PPARGC1B: variants seen among roughly 807,000 people sequenced by gnomAD.
PPARGC1B encodes PPARG coactivator 1 beta.
Under a neutral mutation model 101.6 loss-of-function variants are expected in PPARGC1B, and 34 were observed. That is an observed-to-expected ratio of 0.33 (90% CI 0.25 to 0.45). The LOEUF is 0.45. PPARGC1B is among the 20% of genes least tolerant of loss of function. PPARGC1B has a pLI of 1.00. For missense variants in PPARGC1B, 1,234 were observed against 1,317.6 expected (o/e 0.94, Z 0.98); for synonymous variants, 548 against 539.3 (o/e 1.02, Z -0.22).
chr5:149,765,241 G>A (rs1270302964), intron 1 of PPARGC1B, among the ~76,000 whole-genome samples: 3 of 152,222 alleles, frequency 2.0e-5, no homozygotes, highest in Non-Finnish European at 4.4e-5. Context: ...GGCTCATCGG[G>A]ACCTCGGTTA....
intron 9 of PPARGC1B, 151 bp from the exon 10 acceptor site, chr5:149,842,105 T>C (rs958406636): frequency 6.1e-6 from 6 of 981,608 alleles, no homozygotes; most frequent in Non-Finnish European, 7.3e-6. Context: ...GGGGTAGAGA[T>C]TGGCATTGTC....
intron 1 of PPARGC1B, among the ~76,000 whole-genome samples, chr5:149,735,420 G>C (rs534045518): frequency 6.6e-6 from 1 of 152,194 alleles, no homozygotes; most frequent in Non-Finnish European, 1.5e-5. Flanking sequence ...AGACTGGCTC[G>C]AGTGAGAAGC....
At position 149,730,548 on chromosome 5, in the gene PPARGC1B, C is replaced by T. The variant is rs902793578; in HGVS notation, c.78+128C>T. The T allele has an allele frequency of 4.5e-6, 3 of 672,322 alleles. No individual in the cohort carries two copies. The highest frequency in any genetic ancestry group is 2.5e-5 in the South Asian group (1 of 40,090). The allele number at this position is 672,322 out of a possible 1,614,324, so 41.6% of individuals were successfully genotyped here. A position where few individuals can be genotyped will look rare whatever the true frequency, so the allele number is the denominator to read the frequency against. On this transcript the variant is annotated intron_variant, in intron 1 of 11. Coordinates refer to ENST00000309241, the MANE Select transcript of PPARGC1B (RefSeq NM_133263.4). This position sits in a 1 kb window ranked among gnomAD's most constrained non-coding sequence, Gnocchi z 4.0. ...TAACTGGGGGTTCCAGGCTGCAGAG[C>T]CCCCCTTCCAGGCGCCCTGCGATGC... is the stretch of plus-strand genomic sequence containing the variant.
chr5:149,835,172 AG>A, intron 6 of PPARGC1B, 128 bp from the exon 7 acceptor site: 1 of 820,446 alleles, frequency 1.2e-6, no homozygotes, highest in Non-Finnish European at 2.1e-6. Flanking sequence ...AATGCATCTC[AG>A]GCTCCATTTC....
At chr5:149,823,609 A>G (rs1232701780) in intron 2 of PPARGC1B, among the ~76,000 whole-genome samples, 1 of 152,094 alleles carries the variant, frequency 6.6e-6, no homozygotes, top group African/African-American at 2.4e-5. Context: ...TTCTGTGCTG[A>G]GCAGGGAGAG....
chr5:149,760,627 T>C (rs1033517456), intron 1 of PPARGC1B, among the ~76,000 whole-genome samples: 76 of 152,216 alleles, frequency 5.0e-4, no homozygotes, highest in African/African-American at 1.8e-3. Context: ...TTGCACATTA[T>C]AGAGTGAAAC....
At chr5:149,772,120 G>T in intron 1 of PPARGC1B, 1 of 1,596,366 alleles carries the variant, frequency 6.3e-7, no homozygotes, top group South Asian at 1.1e-5. Context: ...ACCCTTGGAG[G>T]AGCCGCCACC....
At position 149,842,336 on chromosome 5, in the gene PPARGC1B, T is replaced by G; in HGVS notation, c.2775T>G (p.Phe925Leu). ...AGCTGAAGAGGCGCTTTGAAGTGTTTGGTGAGATTGAGGAGTGCGAGGTGC... is the reference window on the plus strand; with the variant it reads ...AGCTGAAGAGGCGCTTTGAAGTGTTGGGTGAGATTGAGGAGTGCGAGGTGC... ...SRELKRRFEV[F>L]GEIEECEVLT... The change falls in exon 10 of 12, where the codon TTT (phenylalanine) becomes TTG (leucine). Residue 925 changes from phenylalanine to leucine, a missense_variant. This residue lies in a region of PPARGC1B where 497 missense variants were observed against 529.5 expected (regional missense o/e 0.94). Transcript: ENST00000309241. 2.5e-6 allele frequency: 4 copies of G among 1,614,048 alleles called. No individual in the cohort carries two copies. The highest frequency in any genetic ancestry group is 3.4e-6 in the Non-Finnish European group (4 of 1,179,984).
At position 149,850,756 on chromosome 5, in the gene PPARGC1B, C is replaced by T. The variant is rs1561649287; in HGVS notation, c.*3198C>T. 6.6e-6 allele frequency: 1 copy of T among 152,214 alleles called. No individual in the cohort carries two copies. The highest frequency in any genetic ancestry group is 6.5e-5 in the Admixed American group (1 of 15,280). 9.4% of individuals were successfully genotyped at this position (152,214 alleles called of 1,614,324 possible). ...GCTGTAGACTGTGTCGATAGCCGCC[C>T]GCACAGGGCAGGTCGTACTGTCCGT... On this transcript the variant is annotated 3_prime_UTR_variant, in exon 12 of 12. Coordinates refer to ENST00000309241, the MANE Select transcript of PPARGC1B (RefSeq NM_133263.4).
intron 4 of PPARGC1B, among the ~76,000 whole-genome samples, chr5:149,831,854 C>T (rs562376201): frequency 5.4e-4 from 82 of 152,346 alleles, no homozygotes; most frequent in African/African-American, 1.9e-3. Context: ...GGAGCCTCCC[C>T]TTTATCCTGT....
intron 1 of PPARGC1B, among the ~76,000 whole-genome samples, chr5:149,748,310 T>C (rs532184310): frequency 6.8e-4 from 93 of 136,800 alleles, no homozygotes; most frequent in African/African-American, 2.6e-3. Context: ...GATATAGATA[T>C]AGATATAGAT....
Position 149,771,395 on chromosome 5 carries a change from A to G in PPARGC1B, c.78+40975A>G, listed in dbSNP as rs931565446. On this transcript the variant is annotated intron_variant, in intron 1 of 11. Coordinates refer to ENST00000309241, the MANE Select transcript of PPARGC1B (RefSeq NM_133263.4). ...CCCAGGTAGGCAGGTTTCCTTACAC[A>G]AGTGGACTCCCAGATCTGTGGGGAG... 2.0e-5 allele frequency among the ~76,000 whole-genome samples: 3 copies of G among 152,180 alleles called. No homozygotes were observed. In the East Asian group the frequency reaches 5.8e-4, roughly 29 times the overall value.
rs547763353 is a variant in PPARGC1B, at chr5:149,807,963, A to G, written c.79-12470A>G. 4.0e-4 allele frequency among the ~76,000 whole-genome samples: 61 copies of G among 152,328 alleles called. 1 individual carries two copies. The highest frequency in any genetic ancestry group is 1.7e-3 in the Admixed American group (26 of 15,298). ...TGGCACAAAATTTAAGGAGATGCTA[A>G]AAAACTCAGTCGTCAAGATCAATCC... On this transcript the variant is annotated intron_variant, in intron 1 of 11. Transcript: ENST00000309241.
intron 1 of PPARGC1B, 137 bp from the exon 2 acceptor site, chr5:149,820,296 C>G: frequency 1.3e-6 from 1 of 777,716 alleles, no homozygotes; most frequent in African/African-American, 1.7e-5. Context: ...TGAAGCTGAT[C>G]TTTCCATTTC....
chr5:149,776,441 T>C (rs772371439), intron 1 of PPARGC1B, among the ~76,000 whole-genome samples: 10 of 152,192 alleles, frequency 6.6e-5, no homozygotes, highest in African/African-American at 2.4e-4. Flanking sequence ...CAGTTTTGCA[T>C]TGTGTAGGAC....
intron 10 of PPARGC1B, among the ~76,000 whole-genome samples, chr5:149,844,043 G>T (rs1199290659): frequency 6.6e-6 from 1 of 152,212 alleles, no homozygotes; most frequent in Non-Finnish European, 1.5e-5. Context: ...GTTTGGCAAG[G>T]TGAAAGATTT....
intron 1 of PPARGC1B, among the ~76,000 whole-genome samples, chr5:149,777,677 A>G (rs1390111050): frequency 3.3e-5 from 5 of 151,850 alleles, no homozygotes; most frequent in Non-Finnish European, 7.4e-5. Flanking sequence ...GCATCCTCAC[A>G]TCTTGCCTTC....
Position 149,821,667 on chromosome 5 carries a change from C to T in PPARGC1B, c.252+1061C>T, listed in dbSNP as rs150730428. Reference sequence around the variant, plus strand: ...GTGTGCCGCAAGCGTCCTCTCCAAGCGTCCTCCTCATGGATTTTATCATCC... The same window carrying T: ...GTGTGCCGCAAGCGTCCTCTCCAAGTGTCCTCCTCATGGATTTTATCATCC... On this transcript the variant is annotated intron_variant, in intron 2 of 11. Coordinates refer to ENST00000309241, the MANE Select transcript of PPARGC1B (RefSeq NM_133263.4). 1.0e-3 allele frequency among the ~76,000 whole-genome samples: 154 copies of T among 152,336 alleles called. 1 individual carries two copies. Among genetic ancestry groups the T allele is most frequent in the Non-Finnish European group, 1.8e-3 (121 of 68,044 alleles).
chr5:149,801,014 C>T (rs554201638), intron 1 of PPARGC1B, among the ~76,000 whole-genome samples: 32 of 152,140 alleles, frequency 2.1e-4, no homozygotes, highest in African/African-American at 6.5e-4. Context: ...GGACATATGG[C>T]GTGGATCAGG....
Sources: allele counts gnomAD v4.1 joint callset (sites outside exome capture counted in the v4.1 genomes callset), GRCh38; gene constraint gnomAD v4.1.1; regional missense constraint gnomAD v4.1.1; non-coding constraint Gnocchi (gnomAD v3.1); transcripts MANE v1.5; gene names NCBI Gene and HGNC (gene_info 2026-07-23, HGNC 2026-07-21).